KIAA1671: variants seen among roughly 807,000 people sequenced by gnomAD.
KIAA1671 encodes the protein KIAA1671.
In KIAA1671, 52 loss-of-function variants were observed where a neutral mutation model predicts 131.2. The observed-to-expected ratio is 0.40, with a 90% CI of 0.32 to 0.50. KIAA1671 has a LOEUF of 0.50. Ranked by LOEUF, KIAA1671 falls within the 20% of genes least tolerant of loss-of-function variation. KIAA1671 has a pLI of 0.73. For synonymous variants in KIAA1671, 1,003 were observed against 961.6 expected (o/e 1.04, Z -0.80); for missense variants, 2,360 against 2,364.2 (o/e 1.00, Z 0.04).
At chr22:25,049,571 C>T in intron 6 of KIAA1671, 2 of 538,350 alleles carry the variant, frequency 3.7e-6, no homozygotes, top group South Asian at 6.2e-5. Flanking sequence ...GCTGGGGAAA[C>T]CTTCTTCCTC....
chr22:25,033,562 TGG>T, intron 4 of KIAA1671, among the ~76,000 whole-genome samples: 1 of 146,280 alleles, frequency 6.8e-6, no homozygotes, highest in Non-Finnish European at 1.5e-5. Flanking sequence ...TTTTTTTGGT[TGG>T]TTTGTTTTCG....
chr22:25,191,145 C>CTTTTTTTTTTTTTTTTTTTTTTTTTTTT (rs142339652), intron 12 of KIAA1671, among the ~76,000 whole-genome samples: 1 of 129,072 alleles, frequency 7.7e-6, no homozygotes, highest in Non-Finnish European at 1.6e-5. Context: ...GAAATGGTTA[C>CTTTTTTTTTTTTTTTTTTTTTTTTTTTT]TTTTTTTTTT....
intron 1 of KIAA1671, among the ~76,000 whole-genome samples, chr22:25,015,900 C>T (rs961859647): frequency 5.9e-5 from 9 of 152,328 alleles, no homozygotes; most frequent in Non-Finnish European, 1.3e-4. Flanking sequence ...AGAAACAGTA[C>T]ACACTCCGTA....
At chr22:24,958,129 C>T (rs1212210453) in intron 1 of KIAA1671, among the ~76,000 whole-genome samples, 1 of 152,056 alleles carries the variant, frequency 6.6e-6, no homozygotes, top group African/African-American at 2.4e-5. Context: ...GAACCCAAAG[C>T]TGTCTGCCTC....
At chr22:24,976,333 A>G (rs917313165) in intron 1 of KIAA1671, among the ~76,000 whole-genome samples, 16 of 152,192 alleles carry the variant, frequency 1.1e-4, no homozygotes, top group African/African-American at 3.9e-4. Context: ...AGGCTTAGAG[A>G]GGATGAATAT....
intron 6 of KIAA1671, chr22:25,112,707 C>T (rs971186847): frequency 1.5e-5 from 4 of 273,750 alleles, no homozygotes; most frequent in African/African-American, 6.6e-5. Flanking sequence ...ACAGGGCCAG[C>T]ACGTGAGTTG....
At chr22:25,139,472 T>A (rs1395545486) in intron 6 of KIAA1671, among the ~76,000 whole-genome samples, 1 of 152,234 alleles carries the variant, frequency 6.6e-6, no homozygotes, top group East Asian at 1.9e-4. Context: ...GTGGCCTCTC[T>A]GAGCTTTAGT....
intron 6 of KIAA1671, among the ~76,000 whole-genome samples, chr22:25,143,074 C>T (rs774246527): frequency 6.6e-6 from 1 of 152,172 alleles, no homozygotes; most frequent in African/African-American, 2.4e-5. Flanking sequence ...TTTTCACAAG[C>T]CTTCACCCTT....
chr22:24,972,632 C>A (rs896061155), intron 1 of KIAA1671, among the ~76,000 whole-genome samples: 1 of 149,986 alleles, frequency 6.7e-6, no homozygotes, highest in Admixed American at 6.6e-5. Context: ...TTCTTTATTT[C>A]TTTCTTTCCC....
At chr22:25,057,567 A>G (rs6004413) in intron 6 of KIAA1671, 31,702 of 151,822 alleles carry the variant, frequency 0.21, 3,462 homozygotes, top group Middle Eastern at 0.28. Flanking sequence ...CTCACAACGC[A>G]CTGCCGCCAT....
intron 10 of KIAA1671, among the ~76,000 whole-genome samples, chr22:25,183,264 C>T (rs1000013595): frequency 2.6e-5 from 4 of 152,220 alleles, no homozygotes; most frequent in African/African-American, 9.7e-5. Flanking sequence ...GACTCTGTTG[C>T]TCCTTTAGTA....
At chr22:25,185,144 T>A in intron 11 of KIAA1671, 25 bp downstream of exon 11, 1 of 1,524,488 alleles carries the variant, frequency 6.6e-7, no homozygotes, top group Non-Finnish European at 8.8e-7. Context: ...GGAATGGGGG[T>A]CCCTCTCCTT....
intron 1 of KIAA1671, among the ~76,000 whole-genome samples, chr22:25,006,162 G>T (rs559922416): frequency 6.6e-6 from 1 of 152,202 alleles, no homozygotes; most frequent in East Asian, 1.9e-4. Context: ...CTCCCGAGTA[G>T]CTGGGACTAC....
chr22:25,126,811 T>C (rs1932205594), intron 6 of KIAA1671, among the ~76,000 whole-genome samples: 2 of 152,246 alleles, frequency 1.3e-5, no homozygotes, highest in Admixed American at 6.5e-5. Flanking sequence ...CCTTTGGAGT[T>C]GAGCCACAGA....
chr22:25,120,420 T>A (rs191313964), intron 6 of KIAA1671, among the ~76,000 whole-genome samples: 6 of 152,188 alleles, frequency 3.9e-5, no homozygotes, highest in African/African-American at 7.2e-5. Context: ...CAGAGAACAA[T>A]GGTTCCTTTA....
At chr22:25,055,453 T>C (rs1927781852) in intron 6 of KIAA1671, 1 of 149,926 alleles carries the variant, frequency 6.7e-6, no homozygotes. Flanking sequence ...CTGGGCGCCG[T>C]GGCTCATGCC....
chr22:25,155,702 A>G (rs1933209781), intron 6 of KIAA1671, among the ~76,000 whole-genome samples: 1 of 151,918 alleles, frequency 6.6e-6, no homozygotes, highest in Non-Finnish European at 1.5e-5. Flanking sequence ...GTGTGTTTAT[A>G]CATGTGGTTA....
chr22:25,033,415 CAAA>C (rs1218888355), intron 4 of KIAA1671, among the ~76,000 whole-genome samples: 1 of 151,556 alleles, frequency 6.6e-6, no homozygotes, highest in East Asian at 1.9e-4. Context: ...TAAATTAAAA[CAAA>C]AAGAAGTAGG....
rs868824457 is a variant in KIAA1671 at position 25,085,516 on chromosome 22, C to G, written c.4530+36152C>G. Reference sequence around the variant, plus strand: ...TGCTGAGGGGCCCCCACCTCCCCCCCCATAACCCCCTGTCCGTCCTGCGGC... The same window carrying G: ...TGCTGAGGGGCCCCCACCTCCCCCCGCATAACCCCCTGTCCGTCCTGCGGC... On this transcript the variant is annotated intron_variant, in intron 6 of 12. Transcript: ENST00000358431. Among the ~76,000 whole-genome samples, 21 of 150,958 alleles carry G rather than the reference C, an allele frequency of 1.4e-4. 1 individual carries two copies. Among genetic ancestry groups the G allele is most frequent in the Admixed American group, 2.6e-4 (4 of 15,226 alleles).
Sources: allele counts gnomAD v4.1 joint callset (sites outside exome capture counted in the v4.1 genomes callset), GRCh38; gene constraint gnomAD v4.1.1; transcripts MANE v1.5; gene names NCBI Gene and HGNC (gene_info 2026-07-23, HGNC 2026-07-21).